The following DENND5A variants were observed in gnomAD, a reference collection of about 807,000 sequenced individuals.
DENND5A encodes DENN domain containing 5A, also known as DENN domain-containing protein 5A.
DENND5A carries 64 observed loss-of-function variants against 140.3 expected under a neutral mutation model. The observed-to-expected ratio is 0.46, with a 90% CI of 0.37 to 0.56. DENND5A has a LOEUF of 0.56. Among genes scored for constraint, DENND5A ranks in the 20% least tolerant of loss-of-function variants. The probability of loss-of-function intolerance (pLI) is 0.00; values close to 1 mark genes in which losing one functional copy is unlikely to be tolerated. For missense variants in DENND5A, 1,292 were observed against 1,593.8 expected, an observed-to-expected ratio of 0.81 and a Z score of 3.22; for synonymous variants, 605 against 607.7, an observed-to-expected ratio of 1.00 and a Z score of 0.07.
At chr11:9,229,787 T>C (rs1850685134) in intron 1 of DENND5A, among the ~76,000 whole-genome samples, 1 of 152,076 alleles carries the variant, frequency 6.6e-6, no homozygotes, top group African/African-American at 2.4e-5. Flanking sequence ...ATAACACCCT[T>C]TGTCTACTAA....
chr11:9,146,962 G>C, intron 16 of DENND5A, 68 bp downstream of exon 16: 1 of 1,538,266 alleles, frequency 6.5e-7, no homozygotes. Context: ...AGGGGACAAT[G>C]AGTGAGTCTC....
chr11:9,187,814 C>T (rs1055579368), intron 5 of DENND5A, among the ~76,000 whole-genome samples: 1 of 152,196 alleles, frequency 6.6e-6, no homozygotes, highest in Admixed American at 6.5e-5. Context: ...CCTTCACTTG[C>T]TCAGGGCCAG....
chr11:9,153,344 CAAAAAA>C (rs59736475), intron 12 of DENND5A, among the ~76,000 whole-genome samples: 1 of 27,024 alleles, frequency 3.7e-5, no homozygotes. Context: ...GGCTCCCTCT[CAAAAAA>C]AAAAAAAAAA....
At position 9,178,498 on chromosome 11, in the gene DENND5A, A is replaced by AT. The variant is rs1848619501; in HGVS notation, c.1672-133dup. 4.8e-6 allele frequency: 3 copies of AT among 624,428 alleles called. No individual in the cohort carries two copies. In the East Asian group the frequency reaches 8.3e-5, roughly 17 times the overall value. The allele number at this position is 624,428 out of a possible 1,614,324, so 38.7% of individuals were successfully genotyped here. The stretch of plus-strand genomic sequence containing the variant: ...GAATACCAAGCTGCAAAATCTCTAC[A>AT]TTAAAAAAAAAAAAACCCACTCATG... On this transcript the variant is annotated intron_variant, in intron 7 of 22. Transcript: ENST00000328194.
chr11:9,180,928 C>G lies in DENND5A; in HGVS notation c.1294G>C (p.Ala432Pro). The change falls in exon 6 of 23, where the codon GCC (alanine) becomes CCC (proline). Residue 432 changes from alanine (A) to proline (P), a missense_variant. This residue lies in a region of DENND5A where 566 missense variants were observed against 650.4 expected (regional missense o/e 0.87). Transcript: ENST00000328194. ...PEGNLHCSES[A>P]SKLKRLRASE... ...GCCCGCAGCCTCTTCAGCTTGGAGG[C>G]ACTCTCACTGCAATGAAGATTCCCT... 6.2e-7 allele frequency: 1 copy of G among 1,614,222 alleles called. No individual in the cohort carries two copies. Among genetic ancestry groups the G allele is most frequent in the Non-Finnish European group, 8.5e-7 (1 of 1,180,052 alleles).
At chr11:9,172,558 TAGTG>T (rs1405040640) in intron 8 of DENND5A, among the ~76,000 whole-genome samples, 2 of 152,200 alleles carry the variant, frequency 1.3e-5, no homozygotes. Context: ...ATTCTCGCGA[TAGTG>T]AGTGAGTTCT....
At chr11:9,260,341 C>G (rs1288984250) in intron 1 of DENND5A, among the ~76,000 whole-genome samples, 1 of 152,026 alleles carries the variant, frequency 6.6e-6, no homozygotes, top group Admixed American at 6.6e-5. Context: ...ACTCATGAAC[C>G]CCATTTCACA....
intron 1 of DENND5A, among the ~76,000 whole-genome samples, chr11:9,253,960 C>G (rs889616268): frequency 1.1e-4 from 16 of 151,984 alleles, no homozygotes; most frequent in Non-Finnish European, 2.1e-4. Flanking sequence ...GAGTTCAAGA[C>G]CAGCCTGACC....
intron 1 of DENND5A, among the ~76,000 whole-genome samples, chr11:9,232,921 T>C (rs1420090166): frequency 6.6e-6 from 1 of 152,130 alleles, no homozygotes; most frequent in Non-Finnish European, 1.5e-5. Flanking sequence ...ATACACAATA[T>C]GAATGAACCT....
intron 4 of DENND5A, among the ~76,000 whole-genome samples, chr11:9,194,408 A>C (rs1319449984): frequency 6.6e-6 from 1 of 152,058 alleles, no homozygotes; most frequent in Non-Finnish European, 1.5e-5. Context: ...ATCTCTACTA[A>C]AAATACAAAA....
chr11:9,233,909 G>A (rs923698504), intron 1 of DENND5A, among the ~76,000 whole-genome samples: 1 of 152,144 alleles, frequency 6.6e-6, no homozygotes, highest in Non-Finnish European at 1.5e-5. Flanking sequence ...TGGGTGCAGT[G>A]GCTCAGGCCT....
chr11:9,153,255 G>A (rs1383686830), intron 12 of DENND5A, among the ~76,000 whole-genome samples: 1 of 147,646 alleles, frequency 6.8e-6, no homozygotes, highest in African/African-American at 2.5e-5. Context: ...CTGGGAGGTG[G>A]AGGGAGTTGA....
At chr11:9,181,832 T>C (rs1212644621) in intron 5 of DENND5A, among the ~76,000 whole-genome samples, 1 of 152,206 alleles carries the variant, frequency 6.6e-6, no homozygotes, top group Non-Finnish European at 1.5e-5. Context: ...GGTTCCAGAT[T>C]TGACTCTGTT....
Position 9,218,162 on chromosome 11 carries a change from G to GGCAGGAGGACTGCATGAGC in DENND5A, c.110-10549_110-10531dup, listed in dbSNP as rs571160605. Reference sequence around the variant, plus strand: ...TAGTCTCAGCTACTCAGGAGGCTGAGGCAGGAGGACTGCATGAGCTCAGGA... The same window carrying GGCAGGAGGACTGCATGAGC: ...TAGTCTCAGCTACTCAGGAGGCTGAGGCAGGAGGACTGCATGAGCGCAGGAGGACTGCATGAGCTCAGGA... On this transcript the variant is annotated intron_variant, in intron 1 of 22. Coordinates refer to ENST00000328194, the MANE Select transcript of DENND5A (RefSeq NM_015213.4). Among the ~76,000 whole-genome samples, 1,101 of 152,288 alleles carry GGCAGGAGGACTGCATGAGC rather than the reference G, an allele frequency of 7.2e-3. 10 individuals are homozygous for GGCAGGAGGACTGCATGAGC. The highest frequency in any genetic ancestry group is 0.025 in the African/African-American group (1,059 of 41,556).
In DENND5A at chr11:9,204,041, G is replaced by A. The variant is rs1346605547; in HGVS notation, c.568C>T (p.Arg190Cys). 9.9e-6 allele frequency: 16 copies of A among 1,614,006 alleles called. No homozygotes were observed. The highest frequency in any genetic ancestry group is 2.7e-5 in the African/African-American group (2 of 74,918). The change falls in exon 4 of 23, where the codon CGC becomes TGC. Residue 190 changes from arginine (R) to cysteine (C), a missense_variant. Coordinates refer to ENST00000328194, the MANE Select transcript of DENND5A (RefSeq NM_015213.4). ...CGGCTAATGTCATAGGAGTTGAAGCGCTGCAGTTTGGTCACAGGAGTGTCT... is the reference window on the plus strand; with the variant it reads ...CGGCTAATGTCATAGGAGTTGAAGCACTGCAGTTTGGTCACAGGAGTGTCT... ...GEDTPVTKLQRFNSYDISRDT... is the reference protein window; with the variant it reads ...GEDTPVTKLQCFNSYDISRDT...
intron 1 of DENND5A, among the ~76,000 whole-genome samples, chr11:9,242,014 CAAAAAAAAAAAA>C (rs965240891): frequency 1.1e-3 from 65 of 58,168 alleles, no homozygotes; most frequent in South Asian, 2.5e-3. Flanking sequence ...AACTCCGTCT[CAAAAAAAAAAAA>C]AAAAAAAAAA....
chr11:9,158,347 C>G (rs1229928098), intron 12 of DENND5A, among the ~76,000 whole-genome samples: 1 of 151,564 alleles, frequency 6.6e-6, no homozygotes, highest in African/African-American at 2.4e-5. Flanking sequence ...GAGTTTGAGA[C>G]CAGCCAGGAC....
At chr11:9,234,502 C>A (rs371134795) in intron 1 of DENND5A, among the ~76,000 whole-genome samples, 1 of 152,010 alleles carries the variant, frequency 6.6e-6, no homozygotes, top group South Asian at 2.1e-4. Flanking sequence ...AAAGTGGAAA[C>A]CTTGTTGGGA....
chr11:9,264,136 A>G (rs1171332675), intron 1 of DENND5A, among the ~76,000 whole-genome samples: 1 of 152,154 alleles, frequency 6.6e-6, no homozygotes, highest in African/African-American at 2.4e-5. Context: ...ATGACAGTGC[A>G]GTGGAAAATT....
Sources: allele counts gnomAD v4.1 joint callset (sites outside exome capture counted in the v4.1 genomes callset), GRCh38; gene constraint gnomAD v4.1.1; regional missense constraint gnomAD v4.1.1; transcripts MANE v1.5; gene names NCBI Gene and HGNC (gene_info 2026-07-23, HGNC 2026-07-21).